The following ASB5 variants were observed in gnomAD, a reference collection of about 807,000 sequenced individuals.
ASB5 encodes the protein ankyrin repeat and SOCS box containing 5.
In ASB5, 45 loss-of-function variants were observed where a neutral mutation model predicts 42.1. The observed-to-expected ratio is 1.07, with a 90% CI of 0.84 to 1.37. ASB5 has a LOEUF of 1.37. Among genes scored for constraint, ASB5 ranks in the 40% most tolerant of loss-of-function variants. The probability of loss-of-function intolerance (pLI) is 0.00; values close to 1 mark genes in which losing one functional copy is unlikely to be tolerated. For synonymous variants in ASB5, 147 were observed against 150.6 expected, an observed-to-expected ratio of 0.98 and a Z score of 0.18; for missense variants, 402 against 399.8, an observed-to-expected ratio of 1.01 and a Z score of -0.05.
intron 1 of ASB5, among the ~76,000 whole-genome samples, chr4:176,253,225 T>G (rs1409734519): frequency 6.6e-6 from 1 of 152,214 alleles, no homozygotes; most frequent in Non-Finnish European, 1.5e-5. Context: ...ATACCTCAAT[T>G]TTTAAAAATG....
At chr4:176,264,456 T>G (rs993831242) in intron 1 of ASB5, among the ~76,000 whole-genome samples, 13 of 152,218 alleles carry the variant, frequency 8.5e-5, no homozygotes, top group Non-Finnish European at 1.0e-4. Flanking sequence ...ACATTTTCTT[T>G]CTGTGGTCAG....
chr4:176,267,220 C>T (rs1191748128), intron 1 of ASB5, among the ~76,000 whole-genome samples: 1 of 152,154 alleles, frequency 6.6e-6, no homozygotes, highest in Non-Finnish European at 1.5e-5. Context: ...GCAAATATGG[C>T]TTTTGTTTTA....
At chr4:176,236,712 ATT>A (rs1313717753) in intron 1 of ASB5, among the ~76,000 whole-genome samples, 1 of 152,136 alleles carries the variant, frequency 6.6e-6, no homozygotes, top group African/African-American at 2.4e-5. Context: ...CTGAATCTGC[ATT>A]TTCGACCCTT....
At chr4:176,221,692 C>A (rs571295277) in intron 3 of ASB5, 92 bp from the exon 4 acceptor site, 3 of 1,207,242 alleles carry the variant, frequency 2.5e-6, no homozygotes, top group Non-Finnish European at 3.4e-6. Context: ...GATTTGCTAA[C>A]AGAAATACGT....
chr4:176,267,539 T>C (rs1375614914), intron 1 of ASB5, among the ~76,000 whole-genome samples: 2 of 152,030 alleles, frequency 1.3e-5, no homozygotes, highest in African/African-American at 2.4e-5. Context: ...CCCTTGAGCC[T>C]AGGAGTTCAA....
intron 1 of ASB5, chr4:176,241,447 A>G: frequency 6.6e-7 from 1 of 1,518,748 alleles, no homozygotes. Context: ...GAGAAATCCT[A>G]AGGTTTTCTT....
At chr4:176,225,206 C>A in intron 2 of ASB5, 56 bp downstream of exon 2, 1 of 1,432,724 alleles carries the variant, frequency 7.0e-7, no homozygotes, top group South Asian at 1.2e-5. Context: ...TTGGTTTTGA[C>A]CATGTTCTGT....
At chr4:176,275,623 G>A (rs1754550438) in intron 2 of ASB5, among the ~76,000 whole-genome samples, 1 of 152,152 alleles carries the variant, frequency 6.6e-6, no homozygotes, top group African/African-American at 2.4e-5. Context: ...GCAAAGGGGA[G>A]CCTCAGCACA....
intron 1 of ASB5, among the ~76,000 whole-genome samples, chr4:176,226,525 A>C (rs1223840528): frequency 6.6e-6 from 1 of 151,956 alleles, no homozygotes; most frequent in Non-Finnish European, 1.5e-5. Flanking sequence ...CAATTCCCCT[A>C]ATCTCCTCTC....
intron 1 of ASB5, among the ~76,000 whole-genome samples, chr4:176,265,848 C>T (rs910338637): frequency 1.2e-4 from 19 of 152,196 alleles, no homozygotes; most frequent in Non-Finnish European, 2.2e-4. Flanking sequence ...AGATTGTAAT[C>T]AGGACACTTA....
chr4:176,225,274 T>A lies in ASB5; in HGVS notation c.264A>T (p.Thr88=), dbSNP rs770141018. ...TGTAATATATTACCTGTGATAATAA[T>A]GTTCTCAGAGCAAGAAGGCGACCTT... ...ASQGRLLALR[T]LLSQGYNVNA... Residue 88 remains threonine (T), a synonymous_variant, in exon 2 of 7, where the codon ACA becomes ACT. Coordinates refer to ENST00000296525, the MANE Select transcript of ASB5 (RefSeq NM_080874.4). The A allele has an allele frequency of 6.2e-7, 1 of 1,612,684 alleles. No homozygotes were observed. The highest frequency in any genetic ancestry group is 8.5e-7 in the Non-Finnish European group (1 of 1,178,688).
intron 1 of ASB5, among the ~76,000 whole-genome samples, chr4:176,254,220 A>G (rs1030148839): frequency 6.6e-6 from 1 of 152,196 alleles, no homozygotes. Context: ...AAACAAATAC[A>G]TAGACCAATG....
At chr4:176,229,113 A>C (rs889648635) in intron 1 of ASB5, among the ~76,000 whole-genome samples, 2 of 152,252 alleles carry the variant, frequency 1.3e-5, no homozygotes, top group Non-Finnish European at 2.9e-5. Flanking sequence ...ATAACCACTT[A>C]TAATATTTAT....
Position 176,225,323 on chromosome 4 carries a change from G to A in ASB5, c.215C>T (p.Ser72Leu), listed in dbSNP as rs1187944568. 2 of 1,613,880 alleles carry A rather than the reference G, an allele frequency of 1.2e-6. No individual in the cohort carries two copies. Among genetic ancestry groups the A allele is most frequent in the African/African-American group, 1.3e-5 (1 of 74,880 alleles). Reference protein sequence around the residue: ...TQGQGSWADRSPLHEAASQGR... With the variant: ...TQGQGSWADRLPLHEAASQGR... Reference sequence around the variant, plus strand: ...TTGACTTGCTGCTTCATGTAGTGGTGATCGATCTGCCCAGGAACCTGTCAA... The same window carrying A: ...TTGACTTGCTGCTTCATGTAGTGGTAATCGATCTGCCCAGGAACCTGTCAA... The change falls in exon 2 of 7, where the codon TCA becomes TTA. Residue 72 changes from serine (S) to leucine (L), a missense_variant. Ser to Leu is a moderately radical substitution (Grantham distance 145). Coordinates refer to ENST00000296525, the MANE Select transcript of ASB5 (RefSeq NM_080874.4).
intron 1 of ASB5, among the ~76,000 whole-genome samples, chr4:176,264,227 C>T (rs570831792): frequency 1.1e-4 from 16 of 152,278 alleles, no homozygotes; most frequent in Non-Finnish European, 1.9e-4. Flanking sequence ...CACAGAGACA[C>T]GTTATCTTGA....
At chr4:176,271,677 C>T (rs1029690856), upstream of ASB5, among the ~76,000 whole-genome samples, 1 of 151,914 alleles carries the variant, frequency 6.6e-6, no homozygotes, top group Non-Finnish European at 1.5e-5. Context: ...ATTGAGGGTA[C>T]GTTGGATGCT....
At chr4:176,249,791 C>G (rs1425072120) in intron 1 of ASB5, among the ~76,000 whole-genome samples, 10 of 151,848 alleles carry the variant, frequency 6.6e-5, no homozygotes, top group South Asian at 2.1e-4. Context: ...GTTGGCCGGG[C>G]GCGGTGGCTC....
chr4:176,219,212 G>T (rs62653451), intron 5 of ASB5, among the ~76,000 whole-genome samples: 86,655 of 98,694 alleles, frequency 0.88, 38,123 homozygotes, highest in Non-Finnish European at 0.89. Context: ...TTGTATGACA[G>T]ATAAATATAT....
intron 1 of ASB5, among the ~76,000 whole-genome samples, chr4:176,227,987 G>T (rs933005876): frequency 3.9e-5 from 6 of 152,134 alleles, no homozygotes; most frequent in Non-Finnish European, 5.9e-5. Flanking sequence ...GTAGGCTGTT[G>T]CTTGACAAGA....
Sources: allele counts gnomAD v4.1 joint callset (sites outside exome capture counted in the v4.1 genomes callset), GRCh38; gene constraint gnomAD v4.1.1; transcripts MANE v1.5; gene names NCBI Gene and HGNC (gene_info 2026-07-23, HGNC 2026-07-21).